The following ANKRD28 variants were observed in gnomAD, a reference collection of about 807,000 sequenced individuals.
ANKRD28 encodes serine/threonine-protein phosphatase 6 regulatory ankyrin repeat subunit A.
Under a neutral mutation model 126.5 loss-of-function variants are expected in ANKRD28, and 44 were observed. The observed-to-expected ratio is 0.35, with a 90% CI of 0.27 to 0.45. The LOEUF is 0.45. Ranked by LOEUF, ANKRD28 falls within the 20% of genes least tolerant of loss-of-function variation. ANKRD28 has a pLI of 1.00. For missense variants in ANKRD28, 1,110 were observed against 1,316.6 expected (o/e 0.84, Z 2.43); for synonymous variants, 442 against 468.5 (o/e 0.94, Z 0.73).
rs538449025 is a variant in ANKRD28, at chr3:15,725,017, AT to A, written c.641-494del. 1.6e-4 allele frequency among the ~76,000 whole-genome samples: 24 copies of A among 152,204 alleles called. No homozygotes were observed. In the South Asian group the frequency reaches 4.4e-3, roughly 28 times the overall value. ...AGACAAAAAAATAGAATTCAGGATAATTTTGGTAAGTGTTGGCAGAGACAAT... is the reference window on the plus strand; with the variant it reads ...AGACAAAAAAATAGAATTCAGGATAATTTGGTAAGTGTTGGCAGAGACAAT... On this transcript the variant is annotated intron_variant, in intron 6 of 27. Coordinates refer to ENST00000683139, the MANE Select transcript of ANKRD28 (RefSeq NM_001349278.2).
intron 6 of ANKRD28, among the ~76,000 whole-genome samples, chr3:15,734,756 A>G (rs1401449197): frequency 1.3e-5 from 2 of 152,202 alleles, no homozygotes; most frequent in African/African-American, 4.8e-5. Flanking sequence ...GCATTTAAAA[A>G]TATCCTGTAA....
intron 11 of ANKRD28, 26 bp downstream of exon 11, chr3:15,712,114 C>A (rs1421321022): frequency 3.2e-6 from 5 of 1,548,892 alleles, no homozygotes; most frequent in Non-Finnish European, 4.4e-6. Context: ...AGGAGACATA[C>A]AAAAGGCTGC....
intron 2 of ANKRD28, among the ~76,000 whole-genome samples, chr3:15,779,636 G>C (rs906159556): frequency 6.6e-6 from 1 of 152,132 alleles, no homozygotes; most frequent in African/African-American, 2.4e-5. Flanking sequence ...CATCTGTAAC[G>C]GAGTTGATTT....
chr3:15,820,567 T>C (rs1357193119), intron 1 of ANKRD28, among the ~76,000 whole-genome samples: 1 of 152,150 alleles, frequency 6.6e-6, no homozygotes, highest in East Asian at 1.9e-4. Context: ...AATGTTTAAA[T>C]CCTGTTTAGA....
intron 14 of ANKRD28, among the ~76,000 whole-genome samples, chr3:15,704,347 T>A (rs1293879317): frequency 6.6e-6 from 1 of 151,980 alleles, no homozygotes; most frequent in Non-Finnish European, 1.5e-5. Flanking sequence ...AAAGTGAGGA[T>A]GAAGGGATAA....
chr3:15,766,384 C>G, intron 2 of ANKRD28, 72 bp from the exon 3 acceptor site: 1 of 1,052,900 alleles, frequency 9.5e-7, no homozygotes, highest in East Asian at 2.6e-5. Flanking sequence ...TTAATAACCA[C>G]AACAACAACC....
At chr3:15,828,934 C>T (rs890726201) in intron 1 of ANKRD28, among the ~76,000 whole-genome samples, 2 of 152,182 alleles carry the variant, frequency 1.3e-5, no homozygotes, top group Non-Finnish European at 2.9e-5. Flanking sequence ...ATAGCCAGAA[C>T]TTTCCAACAA....
chr3:15,855,530 C>T, intron 1 of ANKRD28, among the ~76,000 whole-genome samples: 1 of 152,198 alleles, frequency 6.6e-6, no homozygotes, highest in Admixed American at 6.5e-5. Flanking sequence ...TCCCAGATTA[C>T]ACATATGCAT....
At chr3:15,730,945 T>C (rs931651132) in intron 6 of ANKRD28, among the ~76,000 whole-genome samples, 3 of 152,034 alleles carry the variant, frequency 2.0e-5, no homozygotes, top group African/African-American at 7.2e-5. Flanking sequence ...TCGAGCTCCT[T>C]AAAAAAGATG....
chr3:15,790,920 TA>T (rs2059996334), intron 2 of ANKRD28, among the ~76,000 whole-genome samples: 2 of 152,044 alleles, frequency 1.3e-5, no homozygotes, highest in Admixed American at 1.3e-4. Context: ...CTAGAACTGA[TA>T]AATTCAGTAA....
intron 1 of ANKRD28, among the ~76,000 whole-genome samples, chr3:15,796,091 G>C (rs2060262137): frequency 6.6e-6 from 1 of 152,108 alleles, no homozygotes. Context: ...CCTGATTCTT[G>C]TTACATCAGT....
intron 6 of ANKRD28, among the ~76,000 whole-genome samples, chr3:15,730,668 A>C (rs575258957): frequency 1.1e-3 from 169 of 152,340 alleles, no homozygotes; most frequent in African/African-American, 3.9e-3. Flanking sequence ...ATGGCTGAAC[A>C]GTTTTAGAAG....
At position 15,857,302 on chromosome 3, in the gene ANKRD28, T is replaced by C. The variant is rs61460022; in HGVS notation, c.27+2075A>G. ...CAAGTGACATTTATTTATTTATTTT[T>C]GGGATGGAGTCTCGCTCTGTCGCCC... On this transcript the variant is annotated intron_variant, in intron 1 of 27. Transcript: ENST00000399451. Among the ~76,000 whole-genome samples, 3,392 of 152,294 alleles carry C rather than the reference T, an allele frequency of 0.022. 221 individuals carry two copies. The East Asian group carries it at 0.23, about 10-fold the overall frequency.
At chr3:15,753,552 C>T (rs1326262134) in intron 3 of ANKRD28, among the ~76,000 whole-genome samples, 1 of 152,208 alleles carries the variant, frequency 6.6e-6, no homozygotes, top group Admixed American at 6.5e-5. Flanking sequence ...GGTATCAACA[C>T]AGACACCTAG....
intron 4 of ANKRD28, among the ~76,000 whole-genome samples, chr3:15,749,445 T>C (rs554797030): frequency 1.3e-5 from 2 of 152,360 alleles, no homozygotes; most frequent in East Asian, 3.9e-4. Context: ...TTCACTTTTC[T>C]CTGGTGTCTC....
Position 15,774,229 on chromosome 3 carries a change from T to C in ANKRD28, c.202-7917A>G, listed in dbSNP as rs115972046. 5.9e-3 allele frequency among the ~76,000 whole-genome samples: 898 copies of C among 152,224 alleles called. 6 individuals carry two copies. Among genetic ancestry groups the C allele is most frequent in the African/African-American group, 0.021 (853 of 41,538 alleles). The stretch of plus-strand genomic sequence containing the variant: ...TTGTGTAAAGAGCTCTTAGATGCAA[T>C]ACCAAAAGCAAAATCCATGAAGTTA... On this transcript the variant is annotated intron_variant, in intron 2 of 27. Transcript: ENST00000683139.
intron 4 of ANKRD28, among the ~76,000 whole-genome samples, chr3:15,737,752 C>T (rs1286121390): frequency 6.6e-6 from 1 of 152,038 alleles, no homozygotes; most frequent in African/African-American, 2.4e-5. Flanking sequence ...AAACATGAGC[C>T]AGTCATAGAG....
chr3:15,811,341 AT>A (rs1037879288), intron 1 of ANKRD28, among the ~76,000 whole-genome samples: 1 of 152,246 alleles, frequency 6.6e-6, no homozygotes, highest in Non-Finnish European at 1.5e-5. Flanking sequence ...ACAAAAAGTC[AT>A]TTGGTAGCTA....
At chr3:15,790,161 T>G (rs1301549409) in intron 2 of ANKRD28, among the ~76,000 whole-genome samples, 4 of 152,072 alleles carry the variant, frequency 2.6e-5, no homozygotes, top group Non-Finnish European at 4.4e-5. Flanking sequence ...ATAAAAAGTC[T>G]TCTAGTAATG....
Sources: allele counts gnomAD v4.1 joint callset (sites outside exome capture counted in the v4.1 genomes callset), GRCh38; gene constraint gnomAD v4.1.1; transcripts MANE v1.5; gene names NCBI Gene and HGNC (gene_info 2026-07-23, HGNC 2026-07-21).